The following VOPP1 variants were observed in gnomAD, a reference collection of about 807,000 sequenced individuals.
VOPP1 encodes the protein VOPP1 WW domain binding protein, also known as WW domain binding protein VOPP1.
Under a neutral mutation model 23.5 loss-of-function variants are expected in VOPP1, and 8 were observed. The ratio of observed to expected loss-of-function variants is 0.34; its 90% confidence interval spans 0.20 to 0.61. VOPP1 has a LOEUF of 0.61. VOPP1 is among the 20% of genes least tolerant of loss of function. The pLI is 0.78. For synonymous variants in VOPP1, 83 were observed against 97.3 expected (o/e 0.85, Z 0.86); for missense variants, 174 against 238.1 (o/e 0.73, Z 1.77).
At chr7:55,488,654 CT>C (rs1793327015) in intron 4 of VOPP1, among the ~76,000 whole-genome samples, 1 of 152,150 alleles carries the variant, frequency 6.6e-6, no homozygotes, top group South Asian at 2.1e-4. Context: ...GCGAGCCCCC[CT>C]ACACCCCAGA....
At chr7:55,440,898 C>T (rs1021877718) in intron 4 of VOPP1, among the ~76,000 whole-genome samples, 1 of 152,192 alleles carries the variant, frequency 6.6e-6, no homozygotes, top group African/African-American at 2.4e-5. Context: ...AGAACATCCA[C>T]GCCCCTCACT....
chr7:55,445,069 T>TAA (rs1356626164), intron 4 of VOPP1, among the ~76,000 whole-genome samples: 5 of 152,224 alleles, frequency 3.3e-5, no homozygotes, highest in Non-Finnish European at 1.5e-5. Flanking sequence ...TCACTGGGTT[T>TAA]ATTAGGTACA....
intron 4 of VOPP1, among the ~76,000 whole-genome samples, chr7:55,462,723 T>C (rs1791534457): frequency 6.8e-6 from 1 of 146,188 alleles, no homozygotes; most frequent in Non-Finnish European, 1.5e-5. Context: ...TGGCGGGATC[T>C]CGGCTCACTG....
At chr7:55,557,610 C>T (rs1368785082) in intron 1 of VOPP1, among the ~76,000 whole-genome samples, 1 of 152,114 alleles carries the variant, frequency 6.6e-6, no homozygotes, top group Non-Finnish European at 1.5e-5. Context: ...AAAATGAGTG[C>T]CCCATTAGAA....
At chr7:55,547,398 G>A (rs563128064) in intron 1 of VOPP1, among the ~76,000 whole-genome samples, 15 of 152,312 alleles carry the variant, frequency 9.8e-5, no homozygotes, top group African/African-American at 3.6e-4. Context: ...CCAAGGCTGG[G>A]AGTGAAATTT....
At chr7:55,436,678 G>A (rs576064546) in intron 4 of VOPP1, among the ~76,000 whole-genome samples, 6 of 151,884 alleles carry the variant, frequency 4.0e-5, no homozygotes, top group East Asian at 1.9e-4. Flanking sequence ...GTGCGTGTGC[G>A]TGTGTGCATG....
intron 4 of VOPP1, among the ~76,000 whole-genome samples, chr7:55,483,525 C>T (rs1792898026): frequency 6.6e-6 from 1 of 152,268 alleles, no homozygotes; most frequent in Non-Finnish European, 1.5e-5. Context: ...CCCAATGCCC[C>T]ACCCTGGCCA....
intron 4 of VOPP1, among the ~76,000 whole-genome samples, chr7:55,473,391 C>T (rs959212394): frequency 6.6e-6 from 1 of 152,196 alleles, no homozygotes; most frequent in Non-Finnish European, 1.5e-5. Context: ...CTGGCATTAT[C>T]GCAGGAGCTC....
intron 4 of VOPP1, among the ~76,000 whole-genome samples, chr7:55,461,511 T>C (rs1220174420): frequency 4.6e-5 from 7 of 152,094 alleles, no homozygotes; most frequent in Non-Finnish European, 1.0e-4. Flanking sequence ...TCCTGGGTCC[T>C]GGTTCAAGCA....
chr7:55,482,524 G>A (rs1046096987), intron 4 of VOPP1, among the ~76,000 whole-genome samples: 2 of 149,272 alleles, frequency 1.3e-5, no homozygotes, highest in Non-Finnish European at 3.0e-5. Flanking sequence ...GTAGAGATGG[G>A]GATTCACCGT....
In VOPP1 at chr7:55,536,075, G is replaced by T. The variant is rs558264519; in HGVS notation, c.55-14945C>A. On this transcript the variant is annotated intron_variant, in intron 1 of 4. Transcript: ENST00000285279. ...GGGCCCTGCCTCGGCCACCCTGTTG[G>T]CCCCAGTGCCTGACCCAGGCCAAGC... is the stretch of plus-strand genomic sequence containing the variant. Among the ~76,000 whole-genome samples, 205 of 152,328 alleles carry T rather than the reference G, an allele frequency of 1.3e-3. 1 individual carries two copies. Among genetic ancestry groups the T allele is most frequent in the Middle Eastern group, 3.4e-3 (1 of 294 alleles).
intron 2 of VOPP1, among the ~76,000 whole-genome samples, chr7:55,508,734 CAT>C (rs1301717461): frequency 6.6e-6 from 1 of 151,918 alleles, no homozygotes; most frequent in Non-Finnish European, 1.5e-5. Context: ...AAATTCTGGC[CAT>C]ATGTCTCTTT....
chr7:55,503,109 G>A (rs1440377058), intron 2 of VOPP1, among the ~76,000 whole-genome samples: 3 of 152,178 alleles, frequency 2.0e-5, no homozygotes, highest in Non-Finnish European at 4.4e-5. Context: ...GATTTCTGCT[G>A]AGGTCAGAGA....
rs892587711 is a variant in VOPP1, at chr7:55,482,499, T to G, written c.329-9454A>C. Among the ~76,000 whole-genome samples the G allele has an allele frequency of 6.8e-4, 84 of 122,806 alleles. 1 individual carries two copies. The highest frequency in any genetic ancestry group is 2.1e-3 in the African/African-American group (75 of 35,458). The allele number at this position is 122,806 out of a possible 152,430, so 80.6% of individuals were successfully genotyped here. On this transcript the variant is annotated intron_variant, in intron 4 of 4. Transcript: ENST00000285279. The stretch of plus-strand genomic sequence containing the variant: ...CCTGGCTAATTTTTTTTTTTTTTTT[T>G]TTTTTGTATTTTTAGTAGAGATGGG...
At chr7:55,510,122 G>C (rs546778940) in intron 2 of VOPP1, among the ~76,000 whole-genome samples, 1 of 152,296 alleles carries the variant, frequency 6.6e-6, no homozygotes, top group African/African-American at 2.4e-5. Flanking sequence ...AGAAGGCCTG[G>C]AAATTATGGC....
chr7:55,468,877 A>C (rs1313178138), downstream of VOPP1, among the ~76,000 whole-genome samples: 1 of 152,214 alleles, frequency 6.6e-6, no homozygotes, highest in Middle Eastern at 3.2e-3. Context: ...TGTGCTTAGG[A>C]TCAATGAAAA....
rs138440721 is a variant in VOPP1 at position 55,492,785 on chromosome 7, T to C, written c.192-367A>G. On this transcript the variant is annotated intron_variant, in intron 3 of 4. Transcript: ENST00000285279. ...ATTTTAGTTAGAAGAGGAGATGCCA[T>C]CTAAATCCTGTCTGAAAGCCATGGC... The C allele has an allele frequency of 3.9e-3, 652 of 168,148 alleles. 3 individuals carry two copies. The highest frequency in any genetic ancestry group is 0.014 in the African/African-American group (597 of 42,250). The allele number at this position is 168,148 out of a possible 1,614,324, so 10.4% of individuals were successfully genotyped here.
intron 4 of VOPP1, among the ~76,000 whole-genome samples, chr7:55,481,844 G>A (rs936584850): frequency 2.6e-5 from 4 of 152,218 alleles, no homozygotes; most frequent in Non-Finnish European, 5.9e-5. Flanking sequence ...AATCGCCACA[G>A]AAGCACGAAG....
At chr7:55,528,846 T>C (rs6593250) in intron 1 of VOPP1, among the ~76,000 whole-genome samples, 33,386 of 152,140 alleles carry the variant, frequency 0.22, 4,208 homozygotes, top group African/African-American at 0.34. Flanking sequence ...ATTAAAGCTG[T>C]ATTCATAGAA....
Sources: allele counts gnomAD v4.1 joint callset (sites outside exome capture counted in the v4.1 genomes callset), GRCh38; gene constraint gnomAD v4.1.1; transcripts MANE v1.5; gene names NCBI Gene and HGNC (gene_info 2026-07-23, HGNC 2026-07-21).